The following BSN variants were observed in gnomAD, a reference collection of about 807,000 sequenced individuals.
The protein encoded by BSN is bassoon presynaptic cytomatrix protein, also known as protein bassoon.
In BSN, 57 loss-of-function variants were observed where a neutral mutation model predicts 264.8. That is an observed-to-expected ratio of 0.22 (90% CI 0.17 to 0.27). The LOEUF is 0.27. BSN is among the 10% of genes least tolerant of loss of function. BSN has a pLI of 1.00. For missense variants in BSN, 4,615 were observed against 5,232.5 expected, an observed-to-expected ratio of 0.88 and a Z score of 3.64; for synonymous variants, 2,059 against 2,137.3, an observed-to-expected ratio of 0.96 and a Z score of 1.01.
intron 1 of BSN, 130 bp from the exon 2 acceptor site, chr3:49,624,845 A>G (rs969003074): frequency 7.2e-6 from 6 of 831,040 alleles, no homozygotes; most frequent in African/African-American, 7.0e-5. Context: ...AATGAGGGCC[A>G]TGATGATTCT....
intron 11 of BSN, among the ~76,000 whole-genome samples, chr3:49,665,657 T>C (rs1252193516): frequency 6.6e-6 from 1 of 152,258 alleles, no homozygotes; most frequent in East Asian, 1.9e-4. Context: ...TCTTCCCTGA[T>C]GTCTGCTGCT....
At chr3:49,632,257 T>C (rs1208288157) in intron 2 of BSN, among the ~76,000 whole-genome samples, 2 of 152,112 alleles carry the variant, frequency 1.3e-5, no homozygotes, top group Non-Finnish European at 1.5e-5. Context: ...CTTCACAACA[T>C]TGGATTTGGC....
rs777069024 is a variant in BSN, at chr3:49,657,081, G to T, written c.7525G>T (p.Ala2509Ser). ...GQYWPPLTHAAFIAMAGPEGL... is the reference protein window; with the variant it reads ...GQYWPPLTHASFIAMAGPEGL... ...GTATTGGCCCCCCCTTACACATGCA[G>T]CCTTCATTGCCATGGCAGGGCCTGA... Residue 2509 changes from alanine to serine, a missense_variant, in exon 5 of 12, where the codon GCC becomes TCC. Physicochemically the swap from Ala to Ser is moderately conservative, Grantham distance 99. Transcript: ENST00000296452. 29 of 1,609,690 alleles carry T rather than the reference G, an allele frequency of 1.8e-5. No individual in the cohort carries two copies. The East Asian group carries it at 6.3e-4, about 35-fold the overall frequency.
chr3:49,585,634 C>G lies in BSN; in HGVS notation c.224+30808C>G, dbSNP rs1015442209. Reference sequence around the variant, plus strand: ...TCACGTTTCTTCAGCCGCCCCTGGGCGCTGCGTCTAACCCCAATTTTTAGT... The same window carrying G: ...TCACGTTTCTTCAGCCGCCCCTGGGGGCTGCGTCTAACCCCAATTTTTAGT... On this transcript the variant is annotated intron_variant, in intron 1 of 11. Transcript: ENST00000296452. This position sits in a 1 kb window ranked among gnomAD's most constrained non-coding sequence, Gnocchi z 4.7. Among the ~76,000 whole-genome samples, 3 of 152,228 alleles carry G rather than the reference C, an allele frequency of 2.0e-5. No homozygotes were observed. Among genetic ancestry groups the G allele is most frequent in the Non-Finnish European group, 2.9e-5 (2 of 68,038 alleles).
At position 49,554,727 on chromosome 3, in the gene BSN, G is replaced by C; in HGVS notation, c.125G>C (p.Gly42Ala). 8.2e-7 allele frequency: 1 copy of C among 1,222,724 alleles called. No individual in the cohort carries two copies. Among genetic ancestry groups the C allele is most frequent in the Non-Finnish European group, 1.0e-6 (1 of 978,652 alleles). 75.7% of individuals were successfully genotyped at this position (1,222,724 alleles called of 1,614,324 possible). Reference protein sequence around the residue: ...GAGKPPSAPAGGGQLPAAGAA... With the variant: ...GAGKPPSAPAAGGQLPAAGAA... ...GGAAAGCCGCCTTCAGCACCGGCCG[G>C]TGGCGGACAGCTCCCCGCGGCGGGA... Residue 42 changes from glycine (G) to alanine (A), a missense_variant, in exon 1 of 12, where the codon GGT becomes GCT. Physicochemically the swap from Gly to Ala is moderately conservative, Grantham distance 60. Transcript: ENST00000296452.
At chr3:49,628,935 C>T (rs1371105399) in intron 2 of BSN, among the ~76,000 whole-genome samples, 1 of 152,094 alleles carries the variant, frequency 6.6e-6, no homozygotes, top group Non-Finnish European at 1.5e-5. Flanking sequence ...TGGATATCCC[C>T]AGTCCTCGTA....
At chr3:49,629,482 C>T (rs1479649172) in intron 2 of BSN, among the ~76,000 whole-genome samples, 3 of 152,228 alleles carry the variant, frequency 2.0e-5, no homozygotes, top group African/African-American at 7.2e-5. Flanking sequence ...GAATATGAAC[C>T]GTGGCCTGGG....
intron 2 of BSN, among the ~76,000 whole-genome samples, chr3:49,629,246 C>T (rs2052367071): frequency 6.6e-6 from 1 of 152,230 alleles, no homozygotes. Flanking sequence ...TTTGCTAATG[C>T]CCATGCCTGC....
At chr3:49,576,427 CT>C (rs1164537220) in intron 1 of BSN, among the ~76,000 whole-genome samples, 69 of 140,610 alleles carry the variant, frequency 4.9e-4, no homozygotes, top group Middle Eastern at 3.6e-3. Flanking sequence ...TTTCTTTTTT[CT>C]TTTTTTTTTT....
chr3:49,635,683 C>T (rs896508993), intron 2 of BSN, among the ~76,000 whole-genome samples: 1 of 152,108 alleles, frequency 6.6e-6, no homozygotes, highest in African/African-American at 2.4e-5. Flanking sequence ...TGTCAAAGTA[C>T]ATTGCAGTGG....
At chr3:49,633,301 CAA>C (rs77435983) in intron 2 of BSN, among the ~76,000 whole-genome samples, 23 of 80,976 alleles carry the variant, frequency 2.8e-4, no homozygotes, top group Admixed American at 4.4e-4. Context: ...GACTCTGTCT[CAA>C]AAAAAAAAAA....
chr3:49,663,753 G>A (rs535199416), intron 7 of BSN, 34 bp from the exon 8 acceptor site: 1 of 1,613,394 alleles, frequency 6.2e-7, no homozygotes, highest in African/African-American at 1.3e-5. Context: ...GGCTGGGCAT[G>A]GGCAGAATCT....
rs550756506 is a variant in BSN, at chr3:49,579,985, C to G, written c.224+25159C>G. On this transcript the variant is annotated intron_variant, in intron 1 of 11. Coordinates refer to ENST00000296452, the MANE Select transcript of BSN (RefSeq NM_003458.4). ...TATATTAAATCCTTTCTATATGTCA[C>G]CGGATTTGTTTTGCTAGTAGTTGTT... Among the ~76,000 whole-genome samples, 34 of 152,142 alleles carry G rather than the reference C, an allele frequency of 2.2e-4. 1 individual carries two copies. The highest frequency in any genetic ancestry group is 7.5e-4 in the African/African-American group (31 of 41,494).
intron 1 of BSN, among the ~76,000 whole-genome samples, chr3:49,560,537 G>T (rs957909008): frequency 1.3e-5 from 2 of 152,228 alleles, no homozygotes; most frequent in African/African-American, 4.8e-5. Flanking sequence ...CATGCCTACA[G>T]CAAGGGCTGA....
rs1375199257 is a variant in BSN at position 49,657,594 on chromosome 3, C to G, written c.8038C>G (p.Gln2680Glu). 3.1e-6 allele frequency: 5 copies of G among 1,611,480 alleles called. No individual in the cohort carries two copies. In the East Asian group the frequency reaches 1.1e-4, roughly 36 times the overall value. ...SDCSVQTEPD[Q>E]LPRVSPAIHI... ...CTGCTCCGTGCAGACGGAGCCTGAC[C>G]AGCTGCCCAGGGTCTCTCCAGCCAT... is the stretch of plus-strand genomic sequence containing the variant. The change falls in exon 5 of 12, where the codon CAG becomes GAG. Residue 2680 changes from glutamine to glutamate, a missense_variant. Transcript: ENST00000296452.
At chr3:49,558,502 T>G (rs1001103104) in intron 1 of BSN, among the ~76,000 whole-genome samples, 57 of 152,224 alleles carry the variant, frequency 3.7e-4, no homozygotes, top group Non-Finnish European at 1.2e-4. Context: ...CCGAATTCCT[T>G]TTTCAAAATG....
At chr3:49,605,805 T>G in intron 1 of BSN, among the ~76,000 whole-genome samples, 1 of 78,314 alleles carries the variant, frequency 1.3e-5, no homozygotes, top group Non-Finnish European at 2.2e-5. Flanking sequence ...TATATTTATA[T>G]ATATAAATAT....
chr3:49,593,783 T>TTTTTG (rs1553660292), intron 1 of BSN, among the ~76,000 whole-genome samples: 2 of 150,190 alleles, frequency 1.3e-5, no homozygotes, highest in Non-Finnish European at 3.0e-5. Flanking sequence ...ACTAGTTTTT[T>TTTTTG]TTTTGTTTTG....
At position 49,643,007 on chromosome 3, in the gene BSN, T is replaced by C. The variant is rs1212658746; in HGVS notation, c.1373T>C (p.Met458Thr). The C allele has an allele frequency of 1.9e-6, 3 of 1,614,064 alleles. No homozygotes were observed. The highest frequency in any genetic ancestry group is 2.2e-5 in the South Asian group (2 of 91,084). Reference protein sequence around the residue: ...ASKAAAKPKTMPKERAICPLC... With the variant: ...ASKAAAKPKTTPKERAICPLC... ...AAGGCTGCTGCCAAGCCAAAGACCATGCCGAAGGAAAGGGCCATCTGCCCA... is the reference window on the plus strand; with the variant it reads ...AAGGCTGCTGCCAAGCCAAAGACCACGCCGAAGGAAAGGGCCATCTGCCCA... The change falls in exon 3 of 12, where the codon ATG becomes ACG. Residue 458 changes from methionine to threonine, a missense_variant. Physicochemically the swap from Met to Thr is moderately conservative, Grantham distance 81. Coordinates refer to ENST00000296452, the MANE Select transcript of BSN (RefSeq NM_003458.4).
Sources: allele counts gnomAD v4.1 joint callset (sites outside exome capture counted in the v4.1 genomes callset), GRCh38; gene constraint gnomAD v4.1.1; non-coding constraint Gnocchi (gnomAD v3.1); transcripts MANE v1.5; gene names NCBI Gene and HGNC (gene_info 2026-07-23, HGNC 2026-07-21).